PKHD1: variants seen among roughly 807,000 people sequenced by gnomAD.
PKHD1 encodes PKHD1 ciliary IPT domain containing fibrocystin/polyductin, also known as fibrocystin.
A neutral mutation model predicts 412.0 loss-of-function variants in PKHD1; 291 were observed. The ratio of observed to expected loss-of-function variants is 0.71; its 90% CI spans 0.64 to 0.78. The LOEUF (loss-of-function observed/expected upper bound fraction) is 0.78. PKHD1 is among the 30% of genes least tolerant of loss of function. The pLI is 0.00. For synonymous variants in PKHD1, 1,777 were observed against 1,821.5 expected (o/e 0.98, Z 0.62); for missense variants, 4,825 against 4,950.7 (o/e 0.97, Z 0.76).
intron 56 of PKHD1, among the ~76,000 whole-genome samples, 173 bp downstream of exon 56, chr6:51,754,611 C>T (rs1786660062): frequency 6.6e-6 from 1 of 152,040 alleles, no homozygotes; most frequent in African/African-American, 2.4e-5. Context: ...AAAAATAAAG[C>T]AACAAAATTA....
intron 60 of PKHD1, among the ~76,000 whole-genome samples, chr6:51,676,242 T>A (rs1468953400): frequency 1.1e-3 from 45 of 41,320 alleles, no homozygotes; most frequent in Middle Eastern, 0.011. Context: ...AAAAAAAAAT[T>A]AAAAGAAAAG....
intron 64 of PKHD1, among the ~76,000 whole-genome samples, 161 bp downstream of exon 64, chr6:51,638,687 CT>C (rs1405162254): frequency 6.6e-6 from 1 of 150,904 alleles, no homozygotes; most frequent in Non-Finnish European, 1.5e-5. Context: ...TACATGTGCT[CT>C]TTCTTCTCAA....
chr6:51,684,386 A>G (rs1464546271), intron 60 of PKHD1, among the ~76,000 whole-genome samples: 1 of 152,130 alleles, frequency 6.6e-6, no homozygotes, highest in Non-Finnish European at 1.5e-5. Flanking sequence ...TGTCTCATAC[A>G]ATATCCATGT....
chr6:51,708,877 T>C (rs531446925), intron 60 of PKHD1, among the ~76,000 whole-genome samples: 7 of 152,002 alleles, frequency 4.6e-5, no homozygotes, highest in African/African-American at 1.7e-4. Flanking sequence ...TCTAAAAGGA[T>C]ATTAAAAGAA....
chr6:51,727,796 C>T (rs1782761648), intron 60 of PKHD1, among the ~76,000 whole-genome samples: 1 of 152,166 alleles, frequency 6.6e-6, no homozygotes, highest in Non-Finnish European at 1.5e-5. Flanking sequence ...TTCAGTGCAA[C>T]AGGTGTGGCC....
intron 36 of PKHD1, among the ~76,000 whole-genome samples, chr6:51,959,090 T>C (rs1164276047): frequency 6.6e-6 from 1 of 152,130 alleles, no homozygotes; most frequent in Non-Finnish European, 1.5e-5. Flanking sequence ...ATTCTTATCT[T>C]AATAAGGATG....
chr6:52,023,898 T>C (rs1034394389), intron 32 of PKHD1, among the ~76,000 whole-genome samples: 1 of 152,174 alleles, frequency 6.6e-6, no homozygotes, highest in African/African-American at 2.4e-5. Flanking sequence ...TGAGACCAAA[T>C]TTTTTCTAAG....
intron 46 of PKHD1, among the ~76,000 whole-genome samples, chr6:51,871,750 T>C (rs1430960111): frequency 8.4e-6 from 1 of 118,972 alleles, no homozygotes; most frequent in East Asian, 1.9e-4. Context: ...CAAAATCTCT[T>C]TGACAAACAC....
intron 37 of PKHD1, among the ~76,000 whole-genome samples, chr6:51,923,657 A>T (rs1785078200): frequency 6.6e-6 from 1 of 152,250 alleles, no homozygotes; most frequent in South Asian, 2.1e-4. Context: ...CATCACAAAG[A>T]TTGGAAAACT....
At chr6:51,841,003 A>C (rs1378287585) in intron 50 of PKHD1, among the ~76,000 whole-genome samples, 2 of 152,174 alleles carry the variant, frequency 1.3e-5, no homozygotes, top group Non-Finnish European at 2.9e-5. Context: ...AAGACAGTGT[A>C]GAAATTGATT....
At chr6:52,041,421 C>T (rs565793633) in intron 27 of PKHD1, among the ~76,000 whole-genome samples, 1 of 152,272 alleles carries the variant, frequency 6.6e-6, no homozygotes, top group South Asian at 2.1e-4. Context: ...CAGGACCACA[C>T]TTTAAGGACC....
intron 2 of PKHD1, among the ~76,000 whole-genome samples, chr6:52,083,625 G>GTC (rs1812351690): frequency 1.3e-5 from 2 of 152,118 alleles, no homozygotes; most frequent in Non-Finnish European, 2.9e-5. Flanking sequence ...AACCCATACT[G>GTC]TCTCTCTCTG....
intron 60 of PKHD1, among the ~76,000 whole-genome samples, chr6:51,722,597 G>A (rs1782063217): frequency 6.6e-6 from 1 of 152,152 alleles, no homozygotes; most frequent in Admixed American, 6.5e-5. Context: ...CATGCAAGAG[G>A]CACCCAGTAA....
chr6:51,826,994 C>T (rs1302853898), intron 52 of PKHD1, among the ~76,000 whole-genome samples: 2 of 152,112 alleles, frequency 1.3e-5, no homozygotes, highest in East Asian at 3.8e-4. Context: ...GAATGTTCTA[C>T]ACGTTTCCTT....
intron 29 of PKHD1, among the ~76,000 whole-genome samples, chr6:52,030,778 G>A (rs879342712): frequency 3.3e-4 from 50 of 152,142 alleles, no homozygotes; most frequent in African/African-American, 5.1e-4. Context: ...AGGCATCAGC[G>A]GCTTAGGGTA....
rs568684500 is a variant in PKHD1, at chr6:51,787,362, G to GA, written c.8440+3873dup. ...CAATAAGAGCAAAACTCCATCTCAAGAAAAAAAAAAAAAAGCAGGATCACC... is the reference window on the plus strand; with the variant it reads ...CAATAAGAGCAAAACTCCATCTCAAGAAAAAAAAAAAAAAAGCAGGATCACC... On this transcript the variant is annotated intron_variant, in intron 53 of 66. Coordinates refer to ENST00000371117, the MANE Select transcript of PKHD1 (RefSeq NM_138694.4). 8.2e-4 allele frequency among the ~76,000 whole-genome samples: 110 copies of GA among 133,828 alleles called. 1 individual carries two copies. Among genetic ancestry groups the GA allele is most frequent in the Middle Eastern group, 3.8e-3 (1 of 260 alleles). The allele number at this position is 133,828 out of a possible 152,430, so 87.8% of individuals were successfully genotyped here.
In PKHD1 at chr6:51,847,780, T is replaced by G; in HGVS notation, c.8102A>C (p.Tyr2701Ser). ...TCATCCAATTGGATACTTACCCAGA[T>G]AGGTGAGTTGCCTCAGCTGGCTATT... Reference protein sequence around the residue: ...FFNSQLRQLTYLVSGEGQVQV... With the variant: ...FFNSQLRQLTSLVSGEGQVQV... The change falls in exon 50 of 67, where the codon TAT (tyrosine) becomes TCT (serine). Residue 2701 changes from tyrosine (Y) to serine (S), a missense_variant. Physicochemically the swap from Tyr to Ser is moderately radical, Grantham distance 144. Coordinates refer to ENST00000371117, the MANE Select transcript of PKHD1 (RefSeq NM_138694.4). The G allele has an allele frequency of 6.2e-7, 1 of 1,608,098 alleles. No homozygotes were observed. Among genetic ancestry groups the G allele is most frequent in the Non-Finnish European group, 8.5e-7 (1 of 1,174,524 alleles).
Position 51,920,175 on chromosome 6 carries a change from T to C in PKHD1, c.6122-7599A>G, listed in dbSNP as rs1784468370. Among the ~76,000 whole-genome samples the C allele has an allele frequency of 2.6e-5, 4 of 152,354 alleles. No homozygotes were observed. The South Asian group carries it at 8.3e-4, about 32-fold the overall frequency. ...CTTCCAACACTATGTTGAATAGGCG[T>C]GGTGAGAGAGGGCATCCCTGTCTTG... On this transcript the variant is annotated intron_variant, in intron 37 of 66. Transcript: ENST00000371117.
At chr6:51,782,722 G>A (rs974405466) in intron 53 of PKHD1, among the ~76,000 whole-genome samples, 2 of 152,052 alleles carry the variant, frequency 1.3e-5, no homozygotes, top group African/African-American at 4.8e-5. Context: ...ATCTGAAGGA[G>A]GACATACTTT....
Sources: allele counts gnomAD v4.1 joint callset (sites outside exome capture counted in the v4.1 genomes callset), GRCh38; gene constraint gnomAD v4.1.1; transcripts MANE v1.5; gene names NCBI Gene and HGNC (gene_info 2026-07-23, HGNC 2026-07-21).